WDR70: variants seen among roughly 807,000 people sequenced by gnomAD.
WDR70 encodes WD repeat-containing protein 70.
WDR70 carries 53 observed loss-of-function variants against 88.6 expected under a neutral mutation model. The observed-to-expected ratio is 0.60, with a 90% CI of 0.48 to 0.75. The LOEUF (loss-of-function observed/expected upper bound fraction) is 0.75, where lower values mean the gene tolerates loss of function less well. Ranked by LOEUF, WDR70 falls within the 30% of genes least tolerant of loss-of-function variation. The pLI is 0.00. For synonymous variants in WDR70, 280 were observed against 270.0 expected (o/e 1.04, Z -0.36); for missense variants, 610 against 823.2 (o/e 0.74, Z 3.17).
intron 7 of WDR70, among the ~76,000 whole-genome samples, chr5:37,477,736 A>G (rs1430759521): frequency 2.0e-5 from 3 of 152,174 alleles, no homozygotes; most frequent in African/African-American, 4.8e-5. Context: ...GTCTATCTAC[A>G]TGAGACAAGG....
chr5:37,646,644 G>T (rs1745247535), intron 10 of WDR70, among the ~76,000 whole-genome samples: 1 of 151,996 alleles, frequency 6.6e-6, no homozygotes, highest in Non-Finnish European at 1.5e-5. Context: ...TACTATTCTA[G>T]GGTAAAAGTG....
At chr5:37,629,411 G>A (rs1042378629) in intron 10 of WDR70, among the ~76,000 whole-genome samples, 3 of 152,064 alleles carry the variant, frequency 2.0e-5, no homozygotes, top group Admixed American at 2.0e-4. Context: ...AATGCCCATA[G>A]TATGAATATT....
chr5:37,423,778 G>T (rs1472720335), intron 5 of WDR70, among the ~76,000 whole-genome samples: 1 of 149,204 alleles, frequency 6.7e-6, no homozygotes, highest in Non-Finnish European at 1.5e-5. Flanking sequence ...TGGCCAGGCT[G>T]TTCTCAAACT....
At chr5:37,743,115 C>G (rs1213536221) in intron 17 of WDR70, among the ~76,000 whole-genome samples, 2 of 152,210 alleles carry the variant, frequency 1.3e-5, no homozygotes, top group Non-Finnish European at 2.9e-5. Context: ...TCCAGGTTCT[C>G]TCATCAAAAT....
chr5:37,682,569 CT>C (rs1169959363), intron 10 of WDR70, among the ~76,000 whole-genome samples: 4 of 152,060 alleles, frequency 2.6e-5, no homozygotes, highest in Non-Finnish European at 5.9e-5. Flanking sequence ...GTGTTTAGCG[CT>C]ATAAATTTCC....
intron 9 of WDR70, among the ~76,000 whole-genome samples, chr5:37,532,089 A>G (rs951370850): frequency 6.6e-6 from 1 of 152,208 alleles, no homozygotes; most frequent in African/African-American, 2.4e-5. Flanking sequence ...ACAGGACCCT[A>G]GTCTCTCCTA....
chr5:37,568,487 T>C (rs1474578372), intron 9 of WDR70, among the ~76,000 whole-genome samples: 1 of 152,232 alleles, frequency 6.6e-6, no homozygotes, highest in Non-Finnish European at 1.5e-5. Context: ...TGCACTATAT[T>C]ACAATCACTG....
At chr5:37,608,971 C>T (rs957921536) in intron 10 of WDR70, among the ~76,000 whole-genome samples, 1 of 152,294 alleles carries the variant, frequency 6.6e-6, no homozygotes, top group Admixed American at 6.5e-5. Context: ...TAGTATATAG[C>T]AGACCTTCAG....
At position 37,627,308 on chromosome 5, in the gene WDR70, G is replaced by C. The variant is rs76455654; in HGVS notation, c.1092+22070G>C. 8.2e-3 allele frequency among the ~76,000 whole-genome samples: 1,247 copies of C among 152,104 alleles called. 11 individuals carry two copies. The highest frequency in any genetic ancestry group is 0.021 in the African/African-American group (853 of 41,488). On this transcript the variant is annotated intron_variant, in intron 10 of 17. Coordinates refer to ENST00000265107, the MANE Select transcript of WDR70 (RefSeq NM_018034.4). ...TTTCACCGTGTTTCCCAGGAAACTT[G>C]AGAACGTTTCCATAGTTCTCAAACG...
intron 8 of WDR70, chr5:37,505,801 A>G: frequency 7.1e-7 from 1 of 1,399,794 alleles, no homozygotes; most frequent in Non-Finnish European, 1.0e-6. Context: ...GACAGATCAC[A>G]GTTCTCTAAA....
chr5:37,583,819 T>C (rs189213467), intron 9 of WDR70, among the ~76,000 whole-genome samples: 2 of 152,354 alleles, frequency 1.3e-5, no homozygotes, highest in Admixed American at 1.3e-4. Flanking sequence ...TCAGAGTAAT[T>C]ATCCCTAAAA....
At chr5:37,513,804 T>C (rs182650889) in intron 8 of WDR70, among the ~76,000 whole-genome samples, 40 of 152,152 alleles carry the variant, frequency 2.6e-4, no homozygotes, top group Admixed American at 1.8e-3. Flanking sequence ...GCTGATCAGA[T>C]TGTGCCCACC....
intron 11 of WDR70, 123 bp downstream of exon 11, chr5:37,697,877 C>G: frequency 3.1e-6 from 2 of 649,522 alleles, no homozygotes; most frequent in Non-Finnish European, 5.0e-6. Flanking sequence ...GCACCTTTGC[C>G]AGTCTGATTT....
intron 10 of WDR70, among the ~76,000 whole-genome samples, chr5:37,675,078 T>G (rs962227219): frequency 6.6e-6 from 1 of 151,910 alleles, no homozygotes; most frequent in African/African-American, 2.4e-5. Context: ...TTTGATGCGG[T>G]TGTTTGTTTT....
chr5:37,452,007 C>T (rs1297681914), intron 7 of WDR70, among the ~76,000 whole-genome samples: 1 of 151,942 alleles, frequency 6.6e-6, no homozygotes, highest in African/African-American at 2.4e-5. Flanking sequence ...ACAACAACAA[C>T]AACAACAAAA....
chr5:37,640,308 A>G (rs1283229966), intron 10 of WDR70, among the ~76,000 whole-genome samples: 2 of 152,150 alleles, frequency 1.3e-5, no homozygotes, highest in Admixed American at 1.3e-4. Flanking sequence ...TTTTAATGCT[A>G]TTTGGACTGT....
At chr5:37,511,140 T>A (rs191600795) in intron 8 of WDR70, among the ~76,000 whole-genome samples, 63 of 152,330 alleles carry the variant, frequency 4.1e-4, no homozygotes, top group African/African-American at 1.4e-3. Flanking sequence ...AATTTTAGCA[T>A]CTATTGATGA....
intron 5 of WDR70, among the ~76,000 whole-genome samples, chr5:37,408,716 T>G (rs1749430678): frequency 6.6e-6 from 1 of 152,196 alleles, no homozygotes; most frequent in African/African-American, 2.4e-5. Flanking sequence ...TTATTTATTT[T>G]GAATTTTTTT....
rs77585864 is a variant in WDR70 at position 37,611,796 on chromosome 5, T to TAAAAAAA, written c.1092+6561_1092+6567dup. ...TGATTTCAGCCTTTTTTTTTTTTTTTAAAAAAAAACTTCTTTGACATACCA... is the reference window on the plus strand; with the variant it reads ...TGATTTCAGCCTTTTTTTTTTTTTTTAAAAAAAAAAAAAAAACTTCTTTGACATACCA... On this transcript the variant is annotated intron_variant, in intron 10 of 17. Coordinates refer to ENST00000265107, the MANE Select transcript of WDR70 (RefSeq NM_018034.4). 3.7e-3 allele frequency among the ~76,000 whole-genome samples: 542 copies of TAAAAAAA among 146,128 alleles called. 3 individuals are homozygous for TAAAAAAA. Among genetic ancestry groups the TAAAAAAA allele is most frequent in the Non-Finnish European group, 6.2e-3 (413 of 66,752 alleles).
Sources: gnomAD v4.1 joint callset for allele counts (sites outside exome capture counted in the v4.1 genomes callset) on GRCh38, gnomAD v4.1.1 for gene constraint, MANE v1.5 for transcripts, NCBI Gene and HGNC (gene_info 2026-07-23, HGNC 2026-07-21) for gene names.